Variants in DOCK1 observed in about 807,000 individuals in gnomAD.
The protein encoded by DOCK1 is dedicator of cytokinesis 1.
DOCK1 carries 138 observed loss-of-function variants against 262.7 expected under a neutral mutation model. The observed-to-expected ratio is 0.53, with a 90% CI of 0.46 to 0.61. The LOEUF (loss-of-function observed/expected upper bound fraction) is 0.61. Ranked by LOEUF, DOCK1 falls within the 20% of genes least tolerant of loss-of-function variation. The pLI, the probability that DOCK1 is intolerant of heterozygous loss-of-function variation, is 0.00. For synonymous variants in DOCK1, 866 were observed against 867.4 expected (o/e 1.00, Z 0.03); for missense variants, 1,908 against 2,370.7 (o/e 0.80, Z 4.05).
chr10:126,936,892 G>A (rs1344228822), intron 1 of DOCK1, among the ~76,000 whole-genome samples: 1 of 152,122 alleles, frequency 6.6e-6, no homozygotes, highest in African/African-American at 2.4e-5. Context: ...ATTCGTCACC[G>A]GAACTCTTTT....
At chr10:127,397,183 C>T (rs1222341681) in intron 38 of DOCK1, among the ~76,000 whole-genome samples, 2 of 141,534 alleles carry the variant, frequency 1.4e-5, no homozygotes, top group Admixed American at 1.4e-4. Flanking sequence ...GCATGAGTTA[C>T]ACGGGCAGCG....
chr10:127,016,988 CA>C, intron 12 of DOCK1, among the ~76,000 whole-genome samples: 1 of 91,754 alleles, frequency 1.1e-5, no homozygotes, highest in East Asian at 3.3e-4. Context: ...CGCACACACA[CA>C]CAGATACAGA....
intron 2 of DOCK1, among the ~76,000 whole-genome samples, chr10:126,972,654 A>G (rs1251586104): frequency 1.3e-5 from 2 of 152,226 alleles, no homozygotes; most frequent in Non-Finnish European, 2.9e-5. Flanking sequence ...TTTACAAGGA[A>G]TGAAGTATGC....
At chr10:127,015,260 T>C (rs9418776) in intron 12 of DOCK1, 22,261 of 151,942 alleles carry the variant, frequency 0.15, 1,922 homozygotes, top group South Asian at 0.23. Flanking sequence ...TACATCTGTC[T>C]CTGTCTATGT....
chr10:127,127,828 C>G, intron 27 of DOCK1, 64 bp downstream of exon 27: 1 of 1,409,598 alleles, frequency 7.1e-7, no homozygotes, highest in Non-Finnish European at 1.0e-6. Context: ...TCTCCAACTG[C>G]TGTTTGAACA....
intron 21 of DOCK1, 62 bp downstream of exon 21, chr10:127,043,226 T>A (rs1488839449): frequency 8.4e-6 from 11 of 1,308,592 alleles, no homozygotes; most frequent in Non-Finnish European, 1.1e-5. Context: ...TTATTTAGAG[T>A]CTTTTTCATG....
At chr10:127,321,143 C>T (rs896788619) in intron 29 of DOCK1, among the ~76,000 whole-genome samples, 3 of 151,998 alleles carry the variant, frequency 2.0e-5, no homozygotes, top group African/African-American at 7.2e-5. Context: ...CTTCCATGAC[C>T]CCGCGTCTTG....
intron 2 of DOCK1, among the ~76,000 whole-genome samples, chr10:126,972,408 T>G (rs2038183501): frequency 1.3e-5 from 2 of 152,196 alleles, no homozygotes; most frequent in Non-Finnish European, 2.9e-5. Flanking sequence ...TTAAAGACTG[T>G]TCAGATCTGG....
chr10:127,032,542 C>CTTTTAT (rs960268605), intron 18 of DOCK1, among the ~76,000 whole-genome samples: 5 of 152,176 alleles, frequency 3.3e-5, no homozygotes, highest in South Asian at 4.2e-4. Context: ...AAGGGTTATT[C>CTTTTAT]TTTTATTTTT....
intron 25 of DOCK1, among the ~76,000 whole-genome samples, chr10:127,116,308 G>T (rs2489400): frequency 0.76 from 115,501 of 152,070 alleles, 45,749 homozygotes; most frequent in South Asian, 0.89. Context: ...TGTAAGCCTG[G>T]TAAGTTTAAA....
intron 12 of DOCK1, among the ~76,000 whole-genome samples, chr10:127,018,228 C>T (rs1237530439): frequency 2.0e-5 from 3 of 152,176 alleles, no homozygotes; most frequent in African/African-American, 7.2e-5. Context: ...CTCCACTGCT[C>T]GCCCAGGTTG....
At chr10:127,106,356 C>A in intron 24 of DOCK1, 55 bp downstream of exon 24, 1 of 1,545,960 alleles carries the variant, frequency 6.5e-7, no homozygotes, top group South Asian at 1.2e-5. Flanking sequence ...ACCTCCTTCT[C>A]AGTGTGCTTA....
chr10:127,067,836 G>A (rs1176768543), intron 23 of DOCK1, among the ~76,000 whole-genome samples: 2 of 151,940 alleles, frequency 1.3e-5, no homozygotes, highest in African/African-American at 2.4e-5. Flanking sequence ...TTCCATTGTC[G>A]TGTAGAGCCC....
At chr10:127,142,467 G>T (rs1454100064) in intron 27 of DOCK1, among the ~76,000 whole-genome samples, 2 of 152,166 alleles carry the variant, frequency 1.3e-5, no homozygotes, top group Non-Finnish European at 2.9e-5. Context: ...TTACTCCTGG[G>T]GAGGAGCAGC....
At chr10:127,049,348 C>T (rs2044558331) in intron 21 of DOCK1, among the ~76,000 whole-genome samples, 1 of 151,996 alleles carries the variant, frequency 6.6e-6, no homozygotes, top group South Asian at 2.1e-4. Flanking sequence ...TGGTGAAACC[C>T]CATCTCTACT....
intron 18 of DOCK1, among the ~76,000 whole-genome samples, 198 bp downstream of exon 18, chr10:127,032,518 T>C (rs956930094): frequency 6.6e-6 from 1 of 152,212 alleles, no homozygotes; most frequent in African/African-American, 2.4e-5. Context: ...AAATTCACAC[T>C]TCTACTCTGG....
intron 27 of DOCK1, among the ~76,000 whole-genome samples, chr10:127,156,432 A>C (rs575132482): frequency 3.6e-4 from 55 of 152,250 alleles, no homozygotes; most frequent in African/African-American, 1.3e-3. Flanking sequence ...GGCTTCAGGC[A>C]CCTGAAATGT....
chr10:127,375,652 A>G (rs756861256), intron 35 of DOCK1, among the ~76,000 whole-genome samples: 5 of 152,244 alleles, frequency 3.3e-5, no homozygotes, highest in Admixed American at 6.5e-5. Flanking sequence ...CTTTGCCATG[A>G]GGAACTTCAC....
intron 18 of DOCK1, among the ~76,000 whole-genome samples, chr10:127,036,981 G>GAAAAAAAAAAAAAAAA (rs11429952): frequency 2.3e-5 from 3 of 128,034 alleles, no homozygotes; most frequent in Non-Finnish European, 3.2e-5. Context: ...CCATCTCAAG[G>GAAAAAAAAAAAAAAAA]AAAAAAAAAA....
Sources: allele counts gnomAD v4.1 joint callset (sites outside exome capture counted in the v4.1 genomes callset), GRCh38; gene constraint gnomAD v4.1.1; transcripts MANE v1.5; gene names NCBI Gene and HGNC (gene_info 2026-07-23, HGNC 2026-07-21).